Variants in SYMPK observed in about 807,000 individuals in gnomAD.
The protein encoded by SYMPK is symplekin scaffold protein.
Under a neutral mutation model 136.4 loss-of-function variants are expected in SYMPK, and 49 were observed. The observed-to-expected ratio is 0.36, with a 90% CI of 0.29 to 0.46. The LOEUF (loss-of-function observed/expected upper bound fraction) is 0.46, where lower values mean the gene tolerates loss of function less well. SYMPK is among the 20% of genes least tolerant of loss of function. The pLI, the probability that SYMPK is intolerant of heterozygous loss-of-function variation, is 1.00. For missense variants in SYMPK, 1,365 were observed against 1,690.0 expected (o/e 0.81, Z 3.37); for synonymous variants, 766 against 713.0 (o/e 1.07, Z -1.19).
chr19:45,829,026 C>T lies in SYMPK; in HGVS notation c.1929G>A (p.Glu643=), dbSNP rs745706822. The part of the protein sequence containing the change: ...AGASGSLDKY[E]DCLIRLLSGL... The stretch of plus-strand genomic sequence containing the variant: ...CAGACAACAGGCGGATGAGGCAGTC[C>T]TCATACTTGTCCAGGGAGCCCGAGG... The change falls in exon 14 of 27, where the codon GAG becomes GAA. Residue 643 remains glutamate, a synonymous_variant. Coordinates refer to ENST00000245934, the MANE Select transcript of SYMPK (RefSeq NM_004819.3). 1 of 1,614,188 alleles carries T rather than the reference C, an allele frequency of 6.2e-7. No homozygotes were observed. The highest frequency in any genetic ancestry group is 1.6e-4 in the Middle Eastern group (1 of 6,062).
chr19:45,818,711 G>A (rs548052850), intron 22 of SYMPK, among the ~76,000 whole-genome samples: 22 of 152,214 alleles, frequency 1.4e-4, no homozygotes, highest in African/African-American at 5.3e-4. Context: ...GGCTGGGGCC[G>A]GGGCATACGA....
intron 10 of SYMPK, among the ~76,000 whole-genome samples, chr19:45,837,616 C>CAAAAA (rs58960244): frequency 2.1e-4 from 16 of 77,476 alleles, no homozygotes; most frequent in East Asian, 3.7e-4. Flanking sequence ...GACTCTGCCT[C>CAAAAA]AAAAAAAAAA....
intron 5 of SYMPK, among the ~76,000 whole-genome samples, chr19:45,851,561 G>A (rs1229162312): frequency 1.4e-5 from 2 of 145,788 alleles, no homozygotes; most frequent in Non-Finnish European, 3.0e-5. Flanking sequence ...CTGGACAACA[G>A]AGCAAAACTC....
Position 45,826,361 on chromosome 19 carries a change from C to T in SYMPK, c.2194G>A (p.Ala732Thr), listed in dbSNP as rs1246340212. Residue 732 changes from alanine to threonine, a missense_variant, in exon 17 of 27, where the codon GCC becomes ACC. Around this residue, in one of 11 missense-constraint regions of SYMPK, gnomAD observed 303 missense variants for 326.6 expected, o/e 0.93. Transcript: ENST00000245934. Reference protein sequence around the residue: ...SHEKDKVRSQALLFIKRMYEK... With the variant: ...SHEKDKVRSQTLLFIKRMYEK... ...TACATGCGTTTGATGAACAGCAGGG[C>T]CTGGGAGCGCACCTGAGGAGGAAGA... The T allele has an allele frequency of 6.2e-7, 1 of 1,614,076 alleles. No individual in the cohort carries two copies. Among genetic ancestry groups the T allele is most frequent in the Admixed American group, 1.7e-5 (1 of 60,014 alleles).
At position 45,847,840 on chromosome 19, in the gene SYMPK, G is replaced by T; in HGVS notation, c.588C>A (p.Pro196=). The part of the protein sequence containing the change: ...FVEGLIVTLS[P]RMADSEIPRR... The stretch of plus-strand genomic sequence containing the variant: ...GGGGTATCTCTGAGTCAGCCATGCG[G>T]GGTGACAGGGTGACAATGAGGCCCT... The change falls in exon 7 of 27, where the codon CCC becomes CCA. Residue 196 remains proline, a synonymous_variant. Coordinates refer to ENST00000245934, the MANE Select transcript of SYMPK (RefSeq NM_004819.3). 6.2e-7 allele frequency: 1 copy of T among 1,614,072 alleles called. No individual in the cohort carries two copies. Among genetic ancestry groups the T allele is most frequent in the Non-Finnish European group, 8.5e-7 (1 of 1,180,012 alleles).
At position 45,842,205 on chromosome 19, in the gene SYMPK, C is replaced by T. The variant is rs561620232; in HGVS notation, c.1087+45G>A. On this transcript the variant is annotated intron_variant, in intron 9 of 26. Coordinates refer to ENST00000245934, the MANE Select transcript of SYMPK (RefSeq NM_004819.3). ...GCATAGTTTAAGGTAAATAATGAAA[C>T]ATTTCAGCATGGTCTGCCTGCCCCA... The T allele has an allele frequency of 2.7e-5, 44 of 1,610,172 alleles. No individual in the cohort carries two copies. The African/African-American group carries it at 4.4e-4, about 16-fold the overall frequency.
In SYMPK at chr19:45,817,075, A is replaced by T. The variant is rs141615601; in HGVS notation, c.3082-101T>A. 4.0e-5 allele frequency: 49 copies of T among 1,225,992 alleles called. No homozygotes were observed. The Middle Eastern group carries it at 9.7e-4, about 24-fold the overall frequency. The allele number at this position is 1,225,992 out of a possible 1,614,324, so 75.9% of individuals were successfully genotyped here. A position where few individuals can be genotyped will look rare whatever the true frequency, so the allele number is the denominator to read the frequency against. ...CTTGCCAAGACCATGCCCAAATCCC[A>T]CCATCCAAGATTCCTCTGGATGGGC... On this transcript the variant is annotated intron_variant, in intron 23 of 26. Transcript: ENST00000245934.
intron 15 of SYMPK, 72 bp downstream of exon 15, chr19:45,827,765 G>A: frequency 6.5e-7 from 1 of 1,535,770 alleles, no homozygotes; most frequent in South Asian, 1.1e-5. Flanking sequence ...TTTAGACTGT[G>A]TGCCCTTCAG....
chr19:45,817,118 TCCCTCCAGAGGC>T, intron 23 of SYMPK, 144 bp from the exon 24 acceptor site: 2 of 807,286 alleles, frequency 2.5e-6, no homozygotes, highest in Non-Finnish European at 3.8e-6. Context: ...AGCCCCGACC[TCCCTCCAGAGGC>T]CTTTGTCTTC....
intron 1 of SYMPK, among the ~76,000 whole-genome samples, chr19:45,860,833 C>T (rs1971950181): frequency 6.6e-6 from 1 of 152,150 alleles, no homozygotes. Flanking sequence ...AAGGGTTTCG[C>T]CATGTTGCCC....
At chr19:45,839,425 G>T (rs995221373) in intron 9 of SYMPK, among the ~76,000 whole-genome samples, 1 of 152,204 alleles carries the variant, frequency 6.6e-6, no homozygotes, top group Non-Finnish European at 1.5e-5. Flanking sequence ...ATTCCTGATA[G>T]TAAGTGGGAA....
At position 45,821,737 on chromosome 19, in the gene SYMPK, G is replaced by A. The variant is rs544560583; in HGVS notation, c.2792-252C>T. ...TCCCACCCTGGGTAGCGTGTGGCAC[G>A]GCTGGGTCTCTCTGCCCCTGGGCTG... On this transcript the variant is annotated intron_variant, in intron 21 of 26. Transcript: ENST00000245934. The surrounding 1 kb of genome is among the most constrained non-coding windows in gnomAD (Gnocchi z 4.4). 3.9e-5 allele frequency among the ~76,000 whole-genome samples: 6 copies of A among 152,330 alleles called. No homozygotes were observed. The highest frequency in any genetic ancestry group is 2.0e-4 in the Admixed American group (3 of 15,300).
At chr19:45,820,717 C>T (rs1235789488) in intron 22 of SYMPK, 3 of 160,144 alleles carry the variant, frequency 1.9e-5, no homozygotes, top group Non-Finnish European at 4.1e-5. Context: ...CACCCAGGTC[C>T]GTTTCACTTC....
Position 45,816,963 on chromosome 19 carries a change from G to A in SYMPK, c.3093C>T (p.Tyr1031=), listed in dbSNP as rs750400767. 79 of 1,560,872 alleles carry A rather than the reference G, an allele frequency of 5.1e-5. No homozygotes were observed. Among genetic ancestry groups the A allele is most frequent in the Middle Eastern group, 1.7e-4 (1 of 6,016 alleles). ...SRLIMKQVWK[Y]PKVWEGFIKC... Reference sequence around the variant, plus strand: ...TGATGAAGCCCTCCCACACCTTGGGGTACTTCCACACCTGAACCAGGGAGG... The same window carrying A: ...TGATGAAGCCCTCCCACACCTTGGGATACTTCCACACCTGAACCAGGGAGG... Residue 1031 remains tyrosine, a synonymous_variant, in exon 24 of 27, where the codon TAC becomes TAT. Coordinates refer to ENST00000245934, the MANE Select transcript of SYMPK (RefSeq NM_004819.3).
At chr19:45,849,692 A>G (rs1971650550) in intron 5 of SYMPK, among the ~76,000 whole-genome samples, 1 of 152,194 alleles carries the variant, frequency 6.6e-6, no homozygotes, top group African/African-American at 2.4e-5. Context: ...TTTACCACAA[A>G]TTCTCCCAGT....
Position 45,816,493 on chromosome 19 carries a change from G to A in SYMPK, c.3343C>T (p.Pro1115Ser), listed in dbSNP as rs558427217. ...TGCAGGGCCCTCACCTCCTCCAAGG[G>A]CCCCGCAGGCGCCTCCTTGGCCTCT... Reference protein sequence around the residue: ...EPEAKEAPAGPLEEDDLEPLT... With the variant: ...EPEAKEAPAGSLEEDDLEPLT... The change falls in exon 25 of 27, where the codon CCC becomes TCC. Residue 1115 changes from proline (P) to serine (S), a missense_variant. This residue lies in a region of SYMPK where 341 missense variants were observed against 270.5 expected (regional missense o/e 1.26). Coordinates refer to ENST00000245934, the MANE Select transcript of SYMPK (RefSeq NM_004819.3). 1.1e-4 allele frequency: 170 copies of A among 1,612,508 alleles called. No homozygotes were observed. Among genetic ancestry groups the A allele is most frequent in the African/African-American group, 3.7e-4 (28 of 75,014 alleles).
chr19:45,836,144 C>A (rs1185849310), intron 10 of SYMPK, among the ~76,000 whole-genome samples: 9 of 151,266 alleles, frequency 5.9e-5, no homozygotes, highest in Non-Finnish European at 1.0e-4. Context: ...TGCAGTGGCA[C>A]GATCTCAGCT....
rs1055850884 is a variant in SYMPK at position 45,854,252 on chromosome 19, G to C, written c.106-12C>G. 6.2e-7 allele frequency: 1 copy of C among 1,613,852 alleles called. No individual in the cohort carries two copies. The highest frequency in any genetic ancestry group is 8.5e-7 in the Non-Finnish European group (1 of 1,179,908). The stretch of plus-strand genomic sequence containing the variant: ...AGAAGATCCACCACCTGGAAGGAGG[G>C]GGAGTGGCAGGGGATAGTGCCAGCC... On this transcript the variant is annotated splice_polypyrimidine_tract_variant and intron_variant, in intron 2 of 26. Transcript: ENST00000245934.
At chr19:45,824,365 TA>T (rs1405028749) in intron 18 of SYMPK, among the ~76,000 whole-genome samples, 1 of 152,148 alleles carries the variant, frequency 6.6e-6, no homozygotes, top group Non-Finnish European at 1.5e-5. Context: ...CGCTCCTGAC[TA>T]AAACCGACTG....
Sources: allele counts gnomAD v4.1 joint callset (sites outside exome capture counted in the v4.1 genomes callset), GRCh38; gene constraint gnomAD v4.1.1; regional missense constraint gnomAD v4.1.1; non-coding constraint Gnocchi (gnomAD v3.1); transcripts MANE v1.5; gene names NCBI Gene and HGNC (gene_info 2026-07-23, HGNC 2026-07-21).